The following CYP2F1 variants were observed in gnomAD, a reference collection of about 807,000 sequenced individuals.
CYP2F1 encodes the protein cytochrome P450 family 2 subfamily F member 1.
Under a neutral mutation model 40.4 loss-of-function variants are expected in CYP2F1, and 33 were observed. The ratio of observed to expected loss-of-function variants is 0.82; its 90% CI spans 0.62 to 1.09. CYP2F1 has a LOEUF of 1.09. Among genes scored for constraint, CYP2F1 ranks in the 50% least tolerant of loss-of-function variants. The pLI is 0.00. For missense variants in CYP2F1, 566 were observed against 655.7 expected (o/e 0.86, Z 1.49); for synonymous variants, 235 against 277.2 (o/e 0.85, Z 1.51).
At chr19:41,124,254 CCTTTT>C (rs2032410718) in intron 7 of CYP2F1, among the ~76,000 whole-genome samples, 2 of 72,462 alleles carry the variant, frequency 2.8e-5, no homozygotes, top group Admixed American at 1.6e-4. Context: ...TTCCCCCCCC[CCTTTT>C]TTTTTTTTTT....
chr19:41,115,505 C>T (rs1233409179), intron 1 of CYP2F1, among the ~76,000 whole-genome samples: 1 of 151,908 alleles, frequency 6.6e-6, no homozygotes, highest in African/African-American at 2.4e-5. Context: ...TTATCACTGT[C>T]TCTGTATGAC....
rs769495222 is a variant in CYP2F1 at position 41,128,069 on chromosome 19, T to C, written c.1463T>C (p.Leu488Pro). The change falls in exon 10 of 10, where the codon CTG (leucine) becomes CCG (proline). Residue 488 changes from leucine to proline, a missense_variant. Around this residue, in one of 5 missense-constraint regions of CYP2F1, gnomAD observed 85 missense variants for 84.9 expected, o/e 1.00. Transcript: ENST00000331105. ...TTGCCGCGGCCTTTCCAGCTGTGCC[T>C]GCGCCCGCGCTAACGCCCCGGCCCT... ...GNLPRPFQLCLRPR is the reference protein window; with the variant it reads ...GNLPRPFQLCPRPR The C allele has an allele frequency of 1.0e-5, 16 of 1,605,404 alleles. No homozygotes were observed. The highest frequency in any genetic ancestry group is 1.3e-5 in the Non-Finnish European group (15 of 1,175,996).
chr19:41,125,954 G>A, intron 9 of CYP2F1: 1 of 475,952 alleles, frequency 2.1e-6, no homozygotes, highest in South Asian at 1.9e-5. Flanking sequence ...CCAATATGGT[G>A]AAACCCTGTC....
intron 3 of CYP2F1, among the ~76,000 whole-genome samples, chr19:41,118,484 A>G (rs1331825476): frequency 6.6e-6 from 1 of 152,072 alleles, no homozygotes; most frequent in Non-Finnish European, 1.5e-5. Context: ...CAATATTACA[A>G]TATTACAATA....
At chr19:41,122,574 T>C (rs992642911) in intron 6 of CYP2F1, among the ~76,000 whole-genome samples, 3 of 151,712 alleles carry the variant, frequency 2.0e-5, no homozygotes, top group African/African-American at 4.8e-5. Flanking sequence ...CATACATACA[T>C]ACACACATAC....
At chr19:41,120,692 G>A (rs1303435351) in intron 4 of CYP2F1, among the ~76,000 whole-genome samples, 196 bp downstream of exon 4, 1 of 152,072 alleles carries the variant, frequency 6.6e-6, no homozygotes, top group Non-Finnish European at 1.5e-5. Flanking sequence ...ATGTTGCCCA[G>A]GCCAGTCTCA....
intron 9 of CYP2F1, among the ~76,000 whole-genome samples, chr19:41,126,614 T>C (rs1366748245): frequency 6.6e-6 from 1 of 151,416 alleles, no homozygotes; most frequent in African/African-American, 2.4e-5. Flanking sequence ...TACCTAGATG[T>C]GGTGTGGTGT....
chr19:41,122,499 CACAT>C (rs1005156196), intron 6 of CYP2F1, among the ~76,000 whole-genome samples: 72 of 151,958 alleles, frequency 4.7e-4, no homozygotes, highest in African/African-American at 8.0e-4. Context: ...CATACACACA[CACAT>C]ACATACATAC....
intron 9 of CYP2F1, among the ~76,000 whole-genome samples, chr19:41,127,126 T>C (rs2032575441): frequency 6.6e-6 from 1 of 152,200 alleles, no homozygotes; most frequent in South Asian, 2.1e-4. Flanking sequence ...CCTAGCTGTG[T>C]TGCCTTGGGT....
At position 41,125,479 on chromosome 19, in the gene CYP2F1, C is replaced by T. The variant is rs1163506096; in HGVS notation, c.1153-14C>T. On this transcript the variant is annotated splice_polypyrimidine_tract_variant and intron_variant, in intron 8 of 9. Coordinates refer to ENST00000331105, the MANE Select transcript of CYP2F1 (RefSeq NM_000774.5). ...CCCTCCTACACTGCTAAGTCCACCT[C>T]CTCACCCACACAGGGCACCGATGTC... is the stretch of plus-strand genomic sequence containing the variant. The T allele has an allele frequency of 7.2e-7, 1 of 1,387,122 alleles. No individual in the cohort carries two copies. Among genetic ancestry groups the T allele is most frequent in the African/African-American group, 1.5e-5 (1 of 67,092 alleles). The allele number at this position is 1,387,122 out of a possible 1,614,324, so 85.9% of individuals were successfully genotyped here. A position where few individuals can be genotyped will look rare whatever the true frequency, so the allele number is the denominator to read the frequency against.
Position 41,128,049 on chromosome 19 carries a change from G to T in CYP2F1, c.1443G>T (p.Pro481=). 6.2e-7 allele frequency: 1 copy of T among 1,610,178 alleles called. No homozygotes were observed. Among genetic ancestry groups the T allele is most frequent in the Non-Finnish European group, 8.5e-7 (1 of 1,178,572 alleles). Residue 481 remains proline (P), a synonymous_variant, in exon 10 of 10, where the codon CCG becomes CCT. Coordinates refer to ENST00000331105, the MANE Select transcript of CYP2F1 (RefSeq NM_000774.5). ...TCAGCTCAGGTCTTGGCAATTTGCC[G>T]CGGCCTTTCCAGCTGTGCCTGCGCC... is the stretch of plus-strand genomic sequence containing the variant. ...TPLSSGLGNL[P]RPFQLCLRPR
In CYP2F1 at chr19:41,124,851, A is replaced by G; in HGVS notation, c.1097A>G (p.Asn366Ser). ...CGCTTTGCAGACATCATCCCCATGA[A>G]CTTGCCGCACCGCGTCACTAGGGAC... The part of the protein sequence containing the change: ...VQRFADIIPM[N>S]LPHRVTRDTA... Residue 366 changes from asparagine to serine, a missense_variant, in exon 8 of 10, where the codon AAC (asparagine) becomes AGC (serine). Around this residue, in one of 5 missense-constraint regions of CYP2F1, gnomAD observed 128 missense variants for 121.0 expected, o/e 1.06. Transcript: ENST00000331105. 6.2e-7 allele frequency: 1 copy of G among 1,611,444 alleles called. No homozygotes were observed. The highest frequency in any genetic ancestry group is 8.5e-7 in the Non-Finnish European group (1 of 1,179,794).
In CYP2F1 at chr19:41,116,303, A is replaced by G. The variant is rs970635818; in HGVS notation, c.115A>G (p.Ile39Val). The stretch of plus-strand genomic sequence containing the variant: ...GCCTCCGGGACCCAGACCCCTCTCA[A>G]TCCTGGGAAACCTGCTGCTGCTTTG... The part of the protein sequence containing the change: ...KLPPGPRPLS[I>V]LGNLLLLCSQ... Residue 39 changes from isoleucine (I) to valine (V), a missense_variant, in exon 2 of 10, where the codon ATC becomes GTC. Ile to Val is a conservative substitution (Grantham distance 29). Around this residue, in one of 5 missense-constraint regions of CYP2F1, gnomAD observed 264 missense variants for 275.7 expected, o/e 0.96. Coordinates refer to ENST00000331105, the MANE Select transcript of CYP2F1 (RefSeq NM_000774.5). The G allele has an allele frequency of 1.2e-6, 2 of 1,613,888 alleles. No individual in the cohort carries two copies. The highest frequency in any genetic ancestry group is 2.2e-5 in the East Asian group (1 of 44,876).
chr19:41,124,415 C>T (rs972785532), intron 7 of CYP2F1, among the ~76,000 whole-genome samples: 17 of 152,062 alleles, frequency 1.1e-4, no homozygotes, highest in African/African-American at 4.1e-4. Flanking sequence ...AGGTGTGCGC[C>T]ACCAAGCCCA....
Position 41,120,452 on chromosome 19 carries a change from T to C in CYP2F1, c.440T>C (p.Leu147Pro). Residue 147 changes from leucine (L) to proline (P), a missense_variant, in exon 4 of 10, where the codon CTA (leucine) becomes CCA (proline). Around this residue, in one of 5 missense-constraint regions of CYP2F1, gnomAD observed 264 missense variants for 275.7 expected, o/e 0.96. Coordinates refer to ENST00000331105, the MANE Select transcript of CYP2F1 (RefSeq NM_000774.5). ...AAGAGAAGCATTGAGGAGCGAATCC[T>C]AGAGGAGGGCAGCTTCCTGCTGGCG... ...MGKRSIEERI[L>P]EEGSFLLAEL... 1 of 1,613,890 alleles carries C rather than the reference T, an allele frequency of 6.2e-7. No individual in the cohort carries two copies. Among genetic ancestry groups the C allele is most frequent in the Non-Finnish European group, 8.5e-7 (1 of 1,179,940 alleles).
intron 7 of CYP2F1, 33 bp from the exon 8 acceptor site, chr19:41,124,686 T>TA (rs767987370): frequency 6.3e-7 from 1 of 1,587,914 alleles, no homozygotes; most frequent in Non-Finnish European, 8.5e-7. Flanking sequence ...CGCCCGCTGA[T>TA]ACCCTCGACC....
At position 41,122,893 on chromosome 19, in the gene CYP2F1, C is replaced by A. The variant is rs374776224; in HGVS notation, c.894C>A (p.Gly298=). The A allele has an allele frequency of 1.9e-6, 3 of 1,601,592 alleles. No individual in the cohort carries two copies. Among genetic ancestry groups the A allele is most frequent in the East Asian group, 2.2e-5 (1 of 44,770 alleles). The change falls in exon 7 of 10, where the codon GGC becomes GGA. Residue 298 remains glycine (G), a synonymous_variant. Transcript: ENST00000331105. ...TGACCACACATAACCTGCTCTTTGGCGGCACCAAGACGGTGAGCACCACGC... is the reference window on the plus strand; with the variant it reads ...TGACCACACATAACCTGCTCTTTGGAGGCACCAAGACGGTGAGCACCACGC... The part of the protein sequence containing the change: ...LLMTTHNLLF[G]GTKTVSTTLH...
chr19:41,121,806 T>A, intron 5 of CYP2F1, 151 bp from the exon 6 acceptor site: 1 of 1,025,744 alleles, frequency 9.7e-7, no homozygotes, highest in Non-Finnish European at 1.4e-6. Flanking sequence ...CGCCATTGCC[T>A]CCTTCCCACT....
chr19:41,127,711 C>T (rs1157714837), intron 9 of CYP2F1, among the ~76,000 whole-genome samples, 190 bp from the exon 10 acceptor site: 2 of 152,120 alleles, frequency 1.3e-5, no homozygotes, highest in African/African-American at 2.4e-5. Flanking sequence ...GGCCAGGATT[C>T]GAACCCAAGC....
Sources: gnomAD v4.1 joint callset for allele counts (sites outside exome capture counted in the v4.1 genomes callset) on GRCh38, gnomAD v4.1.1 for gene constraint, gnomAD v4.1.1 regional missense constraint, MANE v1.5 for transcripts, NCBI Gene and HGNC (gene_info 2026-07-23, HGNC 2026-07-21) for gene names.